The following GAN variants were observed in gnomAD, a reference collection of about 807,000 sequenced individuals.
GAN encodes the protein epididymis secretory sperm binding protein.
Under a neutral mutation model 71.3 loss-of-function variants are expected in GAN, and 48 were observed. The observed-to-expected ratio is 0.67, with a 90% CI of 0.53 to 0.86. The LOEUF is 0.86. Among genes scored for constraint, GAN ranks in the 40% least tolerant of loss-of-function variants. The pLI, the probability that GAN is intolerant of heterozygous loss-of-function variation, is 0.00. For missense variants in GAN, 928 were observed against 770.1 expected (o/e 1.21, Z -2.43); for synonymous variants, 386 against 276.8 (o/e 1.39, Z -3.92).
chr16:81,340,150 A>G (rs1909893811), intron 1 of GAN, among the ~76,000 whole-genome samples: 1 of 152,084 alleles, frequency 6.6e-6, no homozygotes, highest in South Asian at 2.1e-4. Context: ...TGTTGCCCAC[A>G]ATGGTCTTGA....
chr16:81,340,391 C>T (rs1242041854), intron 1 of GAN, among the ~76,000 whole-genome samples: 2 of 152,190 alleles, frequency 1.3e-5, no homozygotes, highest in Non-Finnish European at 2.9e-5. Context: ...CCAACACACA[C>T]CTCACACAGG....
At chr16:81,336,271 C>T (rs16955067) in intron 1 of GAN, among the ~76,000 whole-genome samples, 79 of 152,232 alleles carry the variant, frequency 5.2e-4, no homozygotes, top group Non-Finnish European at 4.4e-4. Flanking sequence ...TGGAAATGCT[C>T]TTCTTCCATG....
At chr16:81,372,810 A>G (rs1432507393) in intron 9 of GAN, among the ~76,000 whole-genome samples, 1 of 152,220 alleles carries the variant, frequency 6.6e-6, no homozygotes, top group Non-Finnish European at 1.5e-5. Flanking sequence ...TTGTAGTTTG[A>G]TGTTTTTCAA....
intron 3 of GAN, among the ~76,000 whole-genome samples, chr16:81,356,511 C>G (rs948326327): frequency 2.4e-4 from 37 of 152,080 alleles, no homozygotes; most frequent in African/African-American, 8.7e-4. Context: ...AATGGGAATC[C>G]TTTAAGGTGT....
At chr16:81,324,483 C>T (rs565727478) in intron 1 of GAN, among the ~76,000 whole-genome samples, 1 of 152,182 alleles carries the variant, frequency 6.6e-6, no homozygotes, top group South Asian at 2.1e-4. Flanking sequence ...AGGGGTGGCA[C>T]CAGGACTAGG....
chr16:81,330,924 C>G (rs1277744763), intron 1 of GAN, among the ~76,000 whole-genome samples: 5 of 152,200 alleles, frequency 3.3e-5, no homozygotes, highest in African/African-American at 1.2e-4. Context: ...AGAAATTAAA[C>G]AGGCAGGCAT....
chr16:81,340,199 A>G (rs1909895028), intron 1 of GAN, among the ~76,000 whole-genome samples: 1 of 152,192 alleles, frequency 6.6e-6, no homozygotes. Flanking sequence ...TCAGCCTTAC[A>G]AAGTGCCCGG....
At position 81,353,291 on chromosome 16, in the gene GAN, C is replaced by CAA. The variant is rs11464814; in HGVS notation, c.283-1100_283-1099dup. Among the ~76,000 whole-genome samples the CAA allele has an allele frequency of 9.8e-3, 1,293 of 132,142 alleles. 31 individuals are homozygous for CAA. The highest frequency in any genetic ancestry group is 0.032 in the East Asian group (144 of 4,508). The allele number at this position is 132,142 out of a possible 152,430, so 86.7% of individuals were successfully genotyped here. On this transcript the variant is annotated intron_variant, in intron 2 of 10. Coordinates refer to ENST00000648994, the MANE Select transcript of GAN (RefSeq NM_022041.4). Reference sequence around the variant, plus strand: ...TGGGCGACAGAGCGAGACTCCGTCTCAAAAAAAAAAAAAAACGATAGTTGG... The same window carrying CAA: ...TGGGCGACAGAGCGAGACTCCGTCTCAAAAAAAAAAAAAAAAACGATAGTTGG...
At position 81,350,750 on chromosome 16, in the gene GAN, C is replaced by T. The variant is rs140459213; in HGVS notation, c.168-833C>T. Among the ~76,000 whole-genome samples the T allele has an allele frequency of 2.9e-3, 439 of 152,260 alleles. 1 individual carries two copies. The highest frequency in any genetic ancestry group is 0.01 in the African/African-American group (423 of 41,574). ...GCCAGGCTGGCCTCGAACTCCTGGC[C>T]TCAAGTGAGCTACCCACCTCGGCCT... On this transcript the variant is annotated intron_variant, in intron 1 of 10. Coordinates refer to ENST00000648994, the MANE Select transcript of GAN (RefSeq NM_022041.4).
At chr16:81,372,200 A>G (rs1447374312) in intron 9 of GAN, among the ~76,000 whole-genome samples, 1 of 152,246 alleles carries the variant, frequency 6.6e-6, no homozygotes, top group Non-Finnish European at 1.5e-5. Flanking sequence ...GTGCATCATT[A>G]TAGCCCCCAT....
chr16:81,349,382 C>G (rs1395861382), intron 1 of GAN, among the ~76,000 whole-genome samples: 3 of 152,160 alleles, frequency 2.0e-5, no homozygotes, highest in African/African-American at 7.2e-5. Context: ...GGTGCGGTGG[C>G]TCATGCCTAT....
At chr16:81,352,141 C>T (rs920063271) in intron 2 of GAN, among the ~76,000 whole-genome samples, 1 of 152,124 alleles carries the variant, frequency 6.6e-6, no homozygotes, top group Admixed American at 6.5e-5. Flanking sequence ...ATAGAGAGTT[C>T]CTTGTAGATC....
Position 81,385,355 on chromosome 16 carries a change from T to C in GAN, c.*7759T>C, listed in dbSNP as rs539937726. The C allele has an allele frequency of 5.3e-5, 8 of 152,328 alleles. No individual in the cohort carries two copies. Among genetic ancestry groups the C allele is most frequent in the African/African-American group, 1.7e-4 (7 of 41,572 alleles). 9.4% of individuals were successfully genotyped at this position (152,328 alleles called of 1,614,324 possible). On this transcript the variant is annotated 3_prime_UTR_variant, in exon 11 of 11. Coordinates refer to ENST00000648994, the MANE Select transcript of GAN (RefSeq NM_022041.4). ...TTAATTATTTTCAGGCAATCATCTT[T>C]ATATACTTTCCTTACAAACCCAGTG...
At chr16:81,342,315 A>G (rs1443638460) in intron 1 of GAN, among the ~76,000 whole-genome samples, 1 of 152,212 alleles carries the variant, frequency 6.6e-6, no homozygotes, top group African/African-American at 2.4e-5. Context: ...TCCACCCCAA[A>G]TCAACAGAAT....
Position 81,387,937 on chromosome 16 carries a change from C to G in GAN, c.*10341C>G, listed in dbSNP as rs1046481322. ...TGTCTTCAGAGCTAGCCGGCTGTGT[C>G]TTCTCCCCGTTTCTTTCACTGGTGA... On this transcript the variant is annotated 3_prime_UTR_variant, in exon 11 of 11. Transcript: ENST00000648994. 6.6e-6 allele frequency: 1 copy of G among 152,312 alleles called. No homozygotes were observed. The highest frequency in any genetic ancestry group is 2.4e-5 in the African/African-American group (1 of 41,460). 9.4% of individuals were successfully genotyped at this position (152,312 alleles called of 1,614,324 possible). A position where few individuals can be genotyped will look rare whatever the true frequency, so the allele number is the denominator to read the frequency against.
intron 1 of GAN, among the ~76,000 whole-genome samples, chr16:81,330,402 G>C (rs567390848): frequency 6.6e-6 from 1 of 152,346 alleles, no homozygotes; most frequent in African/African-American, 2.4e-5. Context: ...GAGCCACCCA[G>C]AAGGGACTCC....
Position 81,344,558 on chromosome 16 carries a change from G to A in GAN, c.168-7025G>A, listed in dbSNP as rs559153903. On this transcript the variant is annotated intron_variant, in intron 1 of 10. Transcript: ENST00000648994. ...ATCATGCTGGGAAAACTGGCTAGCC[G>A]TATGCAGAAAACTGAAACTGGACCT... Among the ~76,000 whole-genome samples, 10 of 152,214 alleles carry A rather than the reference G, an allele frequency of 6.6e-5. No homozygotes were observed. The East Asian group carries it at 7.7e-4, about 12-fold the overall frequency.
intron 1 of GAN, among the ~76,000 whole-genome samples, chr16:81,320,624 T>C (rs1909192815): frequency 6.6e-6 from 1 of 152,230 alleles, no homozygotes; most frequent in Non-Finnish European, 1.5e-5. Context: ...ATAAGGATCT[T>C]GAATAGTGAT....
At position 81,382,179 on chromosome 16, in the gene GAN, G is replaced by A. The variant is rs772670516; in HGVS notation, c.*4583G>A. ...TAATCTTGGAGGCCTGATAGATATG[G>A]CTTCATTTCTCACTTTAGGGAGGAG... is the stretch of plus-strand genomic sequence containing the variant. On this transcript the variant is annotated 3_prime_UTR_variant, in exon 11 of 11. Transcript: ENST00000648994. 6.6e-6 allele frequency: 1 copy of A among 152,088 alleles called. No individual in the cohort carries two copies. The highest frequency in any genetic ancestry group is 2.4e-5 in the African/African-American group (1 of 41,400). 9.4% of individuals were successfully genotyped at this position (152,088 alleles called of 1,614,324 possible).
Sources: gnomAD v4.1 joint callset for allele counts (sites outside exome capture counted in the v4.1 genomes callset) on GRCh38, gnomAD v4.1.1 for gene constraint, MANE v1.5 for transcripts, NCBI Gene and HGNC (gene_info 2026-07-23, HGNC 2026-07-21) for gene names.